The following NCK2 variants were observed in gnomAD, a reference collection of about 807,000 sequenced individuals.
NCK2 encodes the protein NCK adaptor protein 2.
NCK2 carries 16 observed loss-of-function variants against 33.9 expected under a neutral mutation model. The observed-to-expected ratio is 0.47, with a 90% confidence interval of 0.32 to 0.72. The LOEUF (loss-of-function observed/expected upper bound fraction) is 0.72. Ranked by LOEUF, NCK2 falls within the 30% of genes least tolerant of loss-of-function variation. The probability of loss-of-function intolerance (pLI) is 0.03; values close to 1 mark genes in which losing one functional copy is unlikely to be tolerated. For synonymous variants in NCK2, 273 were observed against 239.9 expected (o/e 1.14, Z -1.27); for missense variants, 418 against 537.3 (o/e 0.78, Z 2.19).
intron 1 of NCK2, among the ~76,000 whole-genome samples, chr2:105,810,065 C>T (rs994652411): frequency 2.6e-5 from 4 of 152,148 alleles, no homozygotes; most frequent in Non-Finnish European, 5.9e-5. Flanking sequence ...AGAAAGAGCA[C>T]ACACATCCCC....
chr2:105,850,092 T>A (rs530488809), intron 2 of NCK2, among the ~76,000 whole-genome samples: 118 of 152,296 alleles, frequency 7.7e-4, no homozygotes, highest in African/African-American at 2.5e-3. Context: ...GGTGGCGGTG[T>A]CCCATTTTAC....
chr2:105,875,430 T>C (rs1247124982), intron 3 of NCK2, among the ~76,000 whole-genome samples: 1 of 152,202 alleles, frequency 6.6e-6, no homozygotes, highest in African/African-American at 2.4e-5. Flanking sequence ...AGCAGCAGCC[T>C]GAGAACAACT....
At chr2:105,780,879 G>C (rs1027167163) in intron 1 of NCK2, among the ~76,000 whole-genome samples, 6 of 152,212 alleles carry the variant, frequency 3.9e-5, no homozygotes, top group East Asian at 1.9e-4. Context: ...TGGACTTCCA[G>C]CTTCCACAAC....
At chr2:105,774,773 G>T (rs1422969451) in intron 1 of NCK2, among the ~76,000 whole-genome samples, 10 of 152,110 alleles carry the variant, frequency 6.6e-5, no homozygotes, top group Admixed American at 1.3e-4. Context: ...TGTAACTTTT[G>T]TGAAGCATTC....
At chr2:105,787,999 G>T (rs1690742612) in intron 1 of NCK2, among the ~76,000 whole-genome samples, 1 of 151,976 alleles carries the variant, frequency 6.6e-6, no homozygotes, top group Non-Finnish European at 1.5e-5. Flanking sequence ...ACCAGCCAAG[G>T]ACAAATCAGA....
intron 1 of NCK2, among the ~76,000 whole-genome samples, chr2:105,774,214 G>A (rs1414790768): frequency 2.0e-5 from 3 of 151,892 alleles, no homozygotes; most frequent in Non-Finnish European, 4.4e-5. Context: ...TCACCATGTT[G>A]GCCAGGCTGG....
chr2:105,856,081 A>G (rs1429836562), intron 3 of NCK2, among the ~76,000 whole-genome samples: 1 of 151,418 alleles, frequency 6.6e-6, no homozygotes, highest in Non-Finnish European at 1.5e-5. Flanking sequence ...TGATCCGCCC[A>G]CCTTGGCCTC....
chr2:105,806,622 TC>T (rs1675055275), intron 1 of NCK2, among the ~76,000 whole-genome samples: 1 of 152,214 alleles, frequency 6.6e-6, no homozygotes, highest in South Asian at 2.1e-4. Context: ...ATTTTAAATT[TC>T]CTTTTTATTC....
intron 1 of NCK2, among the ~76,000 whole-genome samples, chr2:105,779,040 C>G (rs1219853928): frequency 6.6e-6 from 1 of 152,108 alleles, no homozygotes; most frequent in Non-Finnish European, 1.5e-5. Context: ...GGCACAGTGG[C>G]TCACACCTGT....
At chr2:105,815,392 A>C (rs1326856763) in intron 1 of NCK2, among the ~76,000 whole-genome samples, 1 of 152,168 alleles carries the variant, frequency 6.6e-6, no homozygotes, top group Non-Finnish European at 1.5e-5. Flanking sequence ...GGTATTTAAC[A>C]TTTTGGATCA....
At chr2:105,782,660 A>G (rs572284347) in intron 1 of NCK2, among the ~76,000 whole-genome samples, 75 of 147,644 alleles carry the variant, frequency 5.1e-4, no homozygotes, top group Admixed American at 1.3e-3. Flanking sequence ...ACGTCAAATG[A>G]TAGAACCTGA....
At chr2:105,786,497 C>G (rs968953381) in intron 1 of NCK2, among the ~76,000 whole-genome samples, 1 of 152,232 alleles carries the variant, frequency 6.6e-6, no homozygotes, top group Non-Finnish European at 1.5e-5. Flanking sequence ...TGTGTCTGCT[C>G]CTCTCTAAGC....
chr2:105,749,719 C>T (rs897920125), intron 1 of NCK2, among the ~76,000 whole-genome samples: 1 of 151,954 alleles, frequency 6.6e-6, no homozygotes, highest in African/African-American at 2.4e-5. Context: ...TGAGGTTGAG[C>T]GGTGTGAGGG....
intron 1 of NCK2, among the ~76,000 whole-genome samples, chr2:105,760,650 A>G (rs181262323): frequency 1.3e-3 from 202 of 152,074 alleles, no homozygotes; most frequent in African/African-American, 4.6e-3. Flanking sequence ...GGATAACTTC[A>G]TCCTTCTTTT....
At chr2:105,791,700 A>AT (rs1182157571) in intron 1 of NCK2, among the ~76,000 whole-genome samples, 1 of 152,194 alleles carries the variant, frequency 6.6e-6, no homozygotes, top group African/African-American at 2.4e-5. Context: ...CTACTTGACA[A>AT]TTCAGGCAAA....
intron 4 of NCK2, among the ~76,000 whole-genome samples, chr2:105,885,809 T>C (rs985040630): frequency 2.0e-5 from 3 of 152,232 alleles, no homozygotes; most frequent in African/African-American, 7.2e-5. Context: ...AAAAATATTG[T>C]CATAAAGCTG....
At chr2:105,835,355 GGCTGGTTT>G in intron 2 of NCK2, among the ~76,000 whole-genome samples, 1 of 68,118 alleles carries the variant, frequency 1.5e-5, no homozygotes, top group South Asian at 6.2e-4. Context: ...TAGTATTCTT[GGCTGGTTT>G]TATATATATA....
intron 3 of NCK2, among the ~76,000 whole-genome samples, chr2:105,881,024 A>G (rs958797536): frequency 1.3e-5 from 2 of 148,458 alleles, no homozygotes; most frequent in African/African-American, 5.0e-5. Flanking sequence ...GGCCTCAAGC[A>G]ATCTTCCCGC....
At chr2:105,747,728 C>A (rs1001876305) in intron 1 of NCK2, among the ~76,000 whole-genome samples, 1 of 152,178 alleles carries the variant, frequency 6.6e-6, no homozygotes, top group African/African-American at 2.4e-5. Flanking sequence ...AGTGGCACTT[C>A]CAAATGGTTT....
Sources: gnomAD v4.1 joint callset for allele counts (sites outside exome capture counted in the v4.1 genomes callset) on GRCh38, gnomAD v4.1.1 for gene constraint, MANE v1.5 for transcripts, NCBI Gene and HGNC (gene_info 2026-07-23, HGNC 2026-07-21) for gene names.